The following TMPRSS11A variants were observed in gnomAD, a reference collection of about 807,000 sequenced individuals.
TMPRSS11A encodes transmembrane protease serine 11A.
In TMPRSS11A, 53 loss-of-function variants were observed where a neutral mutation model predicts 58.9. The observed-to-expected ratio is 0.90, with a 90% CI of 0.72 to 1.13. TMPRSS11A has a LOEUF of 1.13. Ranked by LOEUF, TMPRSS11A falls within the 50% of genes most tolerant of loss-of-function variation. TMPRSS11A has a pLI of 0.00. For synonymous variants in TMPRSS11A, 167 were observed against 169.8 expected (o/e 0.98, Z 0.13); for missense variants, 493 against 499.3 (o/e 0.99, Z 0.12).
In TMPRSS11A at chr4:67,963,475, T is replaced by TC; in HGVS notation, c.-83_-82insG. 6.8e-6 allele frequency: 10 copies of TC among 1,464,308 alleles called. No individual in the cohort carries two copies. Among genetic ancestry groups the TC allele is most frequent in the South Asian group, 1.2e-5 (1 of 83,262 alleles). The allele number at this position is 1,464,308 out of a possible 1,614,324, so 90.7% of individuals were successfully genotyped here. The stretch of plus-strand genomic sequence containing the variant: ...ATCAACTATATGACATCTCTAGATG[T>TC]ATTAGAAGTCTACGGCTCAAAGAAA... On this transcript the variant is annotated 5_prime_UTR_variant, in exon 1 of 10. In the 5' UTR this introduces an upstream ATG that the reference lacks. Coordinates refer to ENST00000508048, the MANE Select transcript of TMPRSS11A (RefSeq NM_001114387.2).
chr4:67,951,189 T>A (rs1721148520), intron 1 of TMPRSS11A, among the ~76,000 whole-genome samples: 1 of 152,216 alleles, frequency 6.6e-6, no homozygotes, highest in South Asian at 2.1e-4. Context: ...GTTTGATTAT[T>A]TGGGATTTAG....
Position 67,924,142 on chromosome 4 carries a change from A to T in TMPRSS11A, c.506T>A (p.Leu169Ter). 1 of 1,613,504 alleles carries T rather than the reference A, an allele frequency of 6.2e-7. No individual in the cohort carries two copies. Among genetic ancestry groups the T allele is most frequent in the Non-Finnish European group, 8.5e-7 (1 of 1,179,582 alleles). The change falls in exon 6 of 10, where the codon TTA becomes TAA. Residue 169 changes from leucine (L) to a stop codon, truncating the protein, a stop_gained. Transcript: ENST00000508048. LOFTEE classifies it high-confidence loss of function. ...ACTTGACTTACTTGCTTGGACAGTT[A>T]ACTCCCCTGTTGATGAGCTCATTGC... ...VNAMSSSTGE[L>*]TVQASCGKRV...
rs1346851151 is a variant in TMPRSS11A at position 67,930,778 on chromosome 4, AAACT to A, written c.321-742_321-739del. The stretch of plus-strand genomic sequence containing the variant: ...TTAAAAAAAAAAACAAAAAACCTTG[AAACT>A]AATATATATTGATCTGTTATCTCTC... On this transcript the variant is annotated intron_variant, in intron 4 of 9. Coordinates refer to ENST00000508048, the MANE Select transcript of TMPRSS11A (RefSeq NM_001114387.2). Among the ~76,000 whole-genome samples the A allele has an allele frequency of 2.1e-5, 3 of 145,338 alleles. No homozygotes were observed. The East Asian group carries it at 6.1e-4, about 30-fold the overall frequency.
intron 3 of TMPRSS11A, among the ~76,000 whole-genome samples, chr4:67,937,431 A>G (rs1720779320): frequency 6.6e-6 from 1 of 152,218 alleles, no homozygotes; most frequent in Non-Finnish European, 1.5e-5. Flanking sequence ...TAGCTAGCAC[A>G]GCATAGAGGA....
chr4:67,912,867 CT>C (rs1165580833), intron 9 of TMPRSS11A, among the ~76,000 whole-genome samples: 1 of 151,984 alleles, frequency 6.6e-6, no homozygotes, highest in Non-Finnish European at 1.5e-5. Context: ...TAGGAGCATT[CT>C]TTATTTTTTT....
chr4:67,914,519 A>C (rs1720092984), intron 9 of TMPRSS11A, 69 bp downstream of exon 9: 1 of 1,442,424 alleles, frequency 6.9e-7, no homozygotes. Flanking sequence ...TATGTAAAGA[A>C]CATATAATAT....
chr4:67,931,784 A>G (rs577195480), intron 4 of TMPRSS11A, among the ~76,000 whole-genome samples: 41 of 152,244 alleles, frequency 2.7e-4, no homozygotes, highest in African/African-American at 9.9e-4. Flanking sequence ...TGAACTTTGA[A>G]CATATTTCTT....
rs541181764 is a variant in TMPRSS11A at position 67,910,189 on chromosome 4, A to G, written c.*1153T>C. 1 of 152,120 alleles carries G rather than the reference A, an allele frequency of 6.6e-6. No homozygotes were observed. The highest frequency in any genetic ancestry group is 2.1e-4 in the South Asian group (1 of 4,830). The allele number at this position is 152,120 out of a possible 1,614,324, so 9.4% of individuals were successfully genotyped here. ...TGATGGAGTATGTTTTCTCTTGTGGACCACATATAACAAAGTGGTCCAAAA... is the reference window on the plus strand; with the variant it reads ...TGATGGAGTATGTTTTCTCTTGTGGGCCACATATAACAAAGTGGTCCAAAA... On this transcript the variant is annotated 3_prime_UTR_variant, in exon 10 of 10. Coordinates refer to ENST00000508048, the MANE Select transcript of TMPRSS11A (RefSeq NM_001114387.2).
At chr4:67,913,696 C>T (rs147099717) in intron 9 of TMPRSS11A, among the ~76,000 whole-genome samples, 92 of 152,266 alleles carry the variant, frequency 6.0e-4, no homozygotes, top group African/African-American at 2.1e-3. Flanking sequence ...TATTAGCAAC[C>T]GAGGCTGGCT....
In TMPRSS11A at chr4:67,948,174, G is replaced by A. The variant is rs1457798580; in HGVS notation, c.12-1603C>T. 4.7e-5 allele frequency among the ~76,000 whole-genome samples: 6 copies of A among 127,030 alleles called. No homozygotes were observed. The South Asian group carries it at 9.7e-4, about 21-fold the overall frequency. 83.3% of individuals were successfully genotyped at this position (127,030 alleles called of 152,430 possible). ...TTTTTTTTTTTTTTTTTTTTGAGAC[G>A]GAGTCTCACTGTGTCATCCAGGCTG... On this transcript the variant is annotated intron_variant, in intron 1 of 9. Transcript: ENST00000508048.
At chr4:67,929,241 G>A (rs1192770883) in intron 5 of TMPRSS11A, among the ~76,000 whole-genome samples, 1 of 152,158 alleles carries the variant, frequency 6.6e-6, no homozygotes, top group Non-Finnish European at 1.5e-5. Flanking sequence ...AGGCCATAGA[G>A]ATAGACCTTG....
intron 6 of TMPRSS11A, among the ~76,000 whole-genome samples, 168 bp from the exon 7 acceptor site, chr4:67,923,094 C>G (rs543281300): frequency 1.6e-4 from 24 of 152,302 alleles, no homozygotes; most frequent in Non-Finnish European, 2.6e-4. Flanking sequence ...TTTCAGGGTT[C>G]ACTTTCTTAC....
rs538841348 is a variant in TMPRSS11A, at chr4:67,960,295, A to T, written c.11+3088T>A. The stretch of plus-strand genomic sequence containing the variant: ...ATAGCGAAAATAAATGTTGAAATTT[A>T]AAAAAATTAAATTAAAAAACAGTTA... On this transcript the variant is annotated intron_variant, in intron 1 of 9. Transcript: ENST00000508048. 1.1e-4 allele frequency among the ~76,000 whole-genome samples: 17 copies of T among 152,334 alleles called. No homozygotes were observed. The East Asian group carries it at 2.1e-3, about 19-fold the overall frequency.
In TMPRSS11A at chr4:67,910,325, A is replaced by C. The variant is rs1348716806; in HGVS notation, c.*1017T>G. The C allele has an allele frequency of 6.6e-6, 1 of 152,108 alleles. No individual in the cohort carries two copies. Among genetic ancestry groups the C allele is most frequent in the Non-Finnish European group, 1.5e-5 (1 of 67,942 alleles). The allele number at this position is 152,108 out of a possible 1,614,324, so 9.4% of individuals were successfully genotyped here. The stretch of plus-strand genomic sequence containing the variant: ...TCTAAAACTAGGGTTTTATGATTGC[A>C]ATAGTTGGGACATTGCCATAAGCCT... On this transcript the variant is annotated 3_prime_UTR_variant, in exon 10 of 10. Transcript: ENST00000508048.
intron 9 of TMPRSS11A, among the ~76,000 whole-genome samples, chr4:67,913,633 G>A (rs548301565): frequency 7.2e-5 from 11 of 152,174 alleles, no homozygotes; most frequent in East Asian, 3.9e-4. Context: ...CCTGTTCCCC[G>A]TGGTATGGAC....
chr4:67,940,941 G>T (rs1347676354), intron 3 of TMPRSS11A, among the ~76,000 whole-genome samples: 1 of 152,092 alleles, frequency 6.6e-6, no homozygotes, highest in Admixed American at 6.6e-5. Flanking sequence ...CCCTCAAAGT[G>T]CATGCTGTCA....
At chr4:67,915,374 C>T (rs1234939683) in intron 8 of TMPRSS11A, among the ~76,000 whole-genome samples, 2 of 151,956 alleles carry the variant, frequency 1.3e-5, no homozygotes, top group Non-Finnish European at 2.9e-5. Context: ...TATACCAAAC[C>T]ATATATTGAT....
intron 1 of TMPRSS11A, among the ~76,000 whole-genome samples, chr4:67,953,067 G>A (rs1013074035): frequency 1.3e-5 from 2 of 152,062 alleles, no homozygotes; most frequent in African/African-American, 4.8e-5. Flanking sequence ...CATGTAACCT[G>A]GGTCCCTCGC....
chr4:67,910,806 A>G lies in TMPRSS11A; in HGVS notation c.*536T>C, dbSNP rs1719951102. On this transcript the variant is annotated 3_prime_UTR_variant, in exon 10 of 10. Coordinates refer to ENST00000508048, the MANE Select transcript of TMPRSS11A (RefSeq NM_001114387.2). ...GTTTTACTATCAGACTTTGTTTCCT[A>G]CATATGACTTTCTTTTATTGGTGTC... 1 of 152,084 alleles carries G rather than the reference A, an allele frequency of 6.6e-6. No homozygotes were observed. The highest frequency in any genetic ancestry group is 2.1e-4 in the South Asian group (1 of 4,836). The allele number at this position is 152,084 out of a possible 1,614,324, so 9.4% of individuals were successfully genotyped here.
Sources: gnomAD v4.1 joint callset for allele counts (sites outside exome capture counted in the v4.1 genomes callset) on GRCh38, gnomAD v4.1.1 for gene constraint, MANE v1.5 for transcripts, NCBI Gene and HGNC (gene_info 2026-07-23, HGNC 2026-07-21) for gene names.